Variants in MTUS1 observed in about 807,000 individuals in gnomAD.
MTUS1 encodes the protein microtubule associated scaffold protein 1, also known as microtubule-associated tumor suppressor 1.
In MTUS1, 109 loss-of-function variants were observed where a neutral mutation model predicts 120.8. The ratio of observed to expected loss-of-function variants is 0.90; its 90% CI spans 0.77 to 1.06. MTUS1 has a LOEUF of 1.06. Ranked by LOEUF, MTUS1 falls within the 50% of genes least tolerant of loss-of-function variation. MTUS1 has a pLI of 0.00. For missense variants in MTUS1, 2,210 were observed against 1,486.3 expected (o/e 1.49, Z -8.01); for synonymous variants, 737 against 550.5 (o/e 1.34, Z -4.74).
intron 1 of MTUS1, among the ~76,000 whole-genome samples, chr8:17,757,942 G>A (rs76701464): frequency 0.011 from 1,642 of 152,212 alleles, 11 homozygotes; most frequent in Non-Finnish European, 0.017. Flanking sequence ...CTAAAATGAG[G>A]GCTGTGTGAT....
chr8:17,782,751 C>T (rs948549000), intron 1 of MTUS1, among the ~76,000 whole-genome samples: 2 of 152,112 alleles, frequency 1.3e-5, no homozygotes, highest in African/African-American at 4.8e-5. Context: ...ATGTTTCATT[C>T]CCAGGTTTCT....
At chr8:17,780,513 G>C (rs902204681) in intron 1 of MTUS1, among the ~76,000 whole-genome samples, 1 of 152,114 alleles carries the variant, frequency 6.6e-6, no homozygotes, top group Non-Finnish European at 1.5e-5. Context: ...TTCAACAAAA[G>C]ACACCATGAA....
chr8:17,658,484 T>G (rs79660927), intron 8 of MTUS1, among the ~76,000 whole-genome samples: 4,348 of 152,242 alleles, frequency 0.029, 222 homozygotes, highest in African/African-American at 0.098. Context: ...GAAGCCTGAC[T>G]TTGGACATTC....
chr8:17,712,738 C>T (rs527535467), intron 6 of MTUS1, among the ~76,000 whole-genome samples: 7 of 151,784 alleles, frequency 4.6e-5, no homozygotes, highest in African/African-American at 1.7e-4. Context: ...TCTTGAGAGA[C>T]ATAAAGTTTT....
Position 17,755,825 on chromosome 8 carries a change from A to C in MTUS1, c.-18T>G, listed in dbSNP as rs1233110835. ...TCAGTCATCCTGAATAGTAACCTTA[A>C]ACCTCTGCCATTTTATTTCTTCTTC... On this transcript the variant is annotated 5_prime_UTR_variant, in exon 2 of 15. Transcript: ENST00000693296. The C allele has an allele frequency of 7.6e-6, 12 of 1,586,542 alleles. No homozygotes were observed. In the East Asian group the frequency reaches 2.7e-4, roughly 36 times the overall value.
At chr8:17,741,832 T>A (rs1400274030) in intron 3 of MTUS1, among the ~76,000 whole-genome samples, 1 of 152,196 alleles carries the variant, frequency 6.6e-6, no homozygotes, top group Non-Finnish European at 1.5e-5. Flanking sequence ...AGGTAAGGGC[T>A]GTAAAAGCTG....
chr8:17,666,659 G>C (rs1179865868), intron 8 of MTUS1, among the ~76,000 whole-genome samples: 2 of 152,124 alleles, frequency 1.3e-5, no homozygotes, highest in African/African-American at 2.4e-5. Context: ...AGCCAAAGCT[G>C]TACTCAGATA....
chr8:17,659,048 G>A (rs537977513), intron 8 of MTUS1, among the ~76,000 whole-genome samples: 1 of 152,194 alleles, frequency 6.6e-6, no homozygotes, highest in East Asian at 1.9e-4. Context: ...AACCCTCACA[G>A]AGGACCCTCC....
At chr8:17,739,872 G>A (rs2047184955) in intron 3 of MTUS1, among the ~76,000 whole-genome samples, 1 of 152,144 alleles carries the variant, frequency 6.6e-6, no homozygotes, top group African/African-American at 2.4e-5. Flanking sequence ...AAGAAGCAAA[G>A]GTAGTTTAGA....
At chr8:17,788,099 C>A (rs2051458032) in intron 1 of MTUS1, among the ~76,000 whole-genome samples, 1 of 151,302 alleles carries the variant, frequency 6.6e-6, no homozygotes, top group South Asian at 2.1e-4. Context: ...CCAGCCTGGG[C>A]AACAAGAGCA....
At chr8:17,780,340 C>G (rs1032077608) in intron 1 of MTUS1, among the ~76,000 whole-genome samples, 1 of 152,204 alleles carries the variant, frequency 6.6e-6, no homozygotes, top group Non-Finnish European at 1.5e-5. Flanking sequence ...CCTGCACAAC[C>G]ATGAGCCAAT....
intron 1 of MTUS1, among the ~76,000 whole-genome samples, chr8:17,784,730 C>T (rs2051156551): frequency 6.6e-6 from 1 of 152,092 alleles, no homozygotes; most frequent in Non-Finnish European, 1.5e-5. Flanking sequence ...GCATTTCTCA[C>T]ACCACTCTGT....
rs1443207297 is a variant in MTUS1, at chr8:17,644,198, A to G, written c.*1728T>C. On this transcript the variant is annotated 3_prime_UTR_variant, in exon 15 of 15. Coordinates refer to ENST00000693296, the MANE Select transcript of MTUS1 (RefSeq NM_001363059.2). ...TGGCAGTGAACCTACATTTCCATTT[A>G]TCAGAAGCAAACATGGAAGGTTACA... is the stretch of plus-strand genomic sequence containing the variant. The G allele has an allele frequency of 6.6e-6, 1 of 152,390 alleles. No homozygotes were observed. The highest frequency in any genetic ancestry group is 2.4e-5 in the African/African-American group (1 of 41,460). 9.4% of individuals were successfully genotyped at this position (152,390 alleles called of 1,614,324 possible).
At chr8:17,744,689 C>CTTTTT (rs58283163) in intron 2 of MTUS1, among the ~76,000 whole-genome samples, 2 of 98,996 alleles carry the variant, frequency 2.0e-5, no homozygotes, top group African/African-American at 4.1e-5. Context: ...ACCATGTTTT[C>CTTTTT]TTTTTTTTTT....
chr8:17,716,824 G>C (rs1822438648), intron 4 of MTUS1, among the ~76,000 whole-genome samples: 1 of 152,194 alleles, frequency 6.6e-6, no homozygotes, highest in Admixed American at 6.5e-5. Context: ...AAAGTGCTGG[G>C]ATTACAGGCG....
At chr8:17,735,008 C>T (rs1423231691) in intron 3 of MTUS1, among the ~76,000 whole-genome samples, 1 of 152,060 alleles carries the variant, frequency 6.6e-6, no homozygotes, top group Non-Finnish European at 1.5e-5. Context: ...CAAATTTGGG[C>T]TCAAGAGATC....
At chr8:17,753,509 A>G (rs2048347679) in intron 2 of MTUS1, among the ~76,000 whole-genome samples, 1 of 152,184 alleles carries the variant, frequency 6.6e-6, no homozygotes, top group Non-Finnish European at 1.5e-5. Flanking sequence ...AAATACTGAA[A>G]TTGAGGATTT....
chr8:17,744,351 T>C (rs117906166), intron 2 of MTUS1, among the ~76,000 whole-genome samples: 1,758 of 152,318 alleles, frequency 0.012, 13 homozygotes, highest in South Asian at 0.028. Context: ...AATAAGAACC[T>C]TGGTCTCCAC....
intron 1 of MTUS1, among the ~76,000 whole-genome samples, chr8:17,763,148 GC>G (rs1398485566): frequency 2.0e-5 from 3 of 151,882 alleles, no homozygotes; most frequent in Admixed American, 2.0e-4. Context: ...CCACCACCAC[GC>G]CCAGCTAATT....
Sources: allele counts gnomAD v4.1 joint callset (sites outside exome capture counted in the v4.1 genomes callset), GRCh38; gene constraint gnomAD v4.1.1; transcripts MANE v1.5; gene names NCBI Gene and HGNC (gene_info 2026-07-23, HGNC 2026-07-21).